The following KIAA1328 variants were observed in gnomAD, a reference collection of about 807,000 sequenced individuals.
KIAA1328 encodes KIAA1328, also known as protein hinderin.
KIAA1328 carries 52 observed loss-of-function variants against 68.1 expected under a neutral mutation model. The ratio of observed to expected loss-of-function variants is 0.76; its 90% CI spans 0.61 to 0.96. The LOEUF is 0.96. KIAA1328 is among the 40% of genes least tolerant of loss of function. KIAA1328 has a pLI of 0.00. For missense variants in KIAA1328, 641 were observed against 677.6 expected (o/e 0.95, Z 0.60); for synonymous variants, 232 against 239.4 (o/e 0.97, Z 0.28).
chr18:36,840,438 A>G (rs897446395), intron 3 of KIAA1328, among the ~76,000 whole-genome samples: 19 of 147,172 alleles, frequency 1.3e-4, no homozygotes, highest in Non-Finnish European at 2.5e-4. Context: ...CCTTTTTTCC[A>G]TTGAAGAGCA....
intron 7 of KIAA1328, among the ~76,000 whole-genome samples, chr18:37,087,300 T>A (rs1030876949): frequency 6.6e-6 from 1 of 152,072 alleles, no homozygotes; most frequent in Non-Finnish European, 1.5e-5. Context: ...GCTCAAGTAA[T>A]CTACCCGCCT....
chr18:37,214,618 G>A (rs138884355), intron 9 of KIAA1328, among the ~76,000 whole-genome samples: 183 of 152,300 alleles, frequency 1.2e-3, no homozygotes, highest in Non-Finnish European at 1.9e-3. Flanking sequence ...GCTTAGGATT[G>A]TCTTGGCAAT....
At chr18:36,958,782 T>G (rs556340840) in intron 5 of KIAA1328, among the ~76,000 whole-genome samples, 3 of 152,278 alleles carry the variant, frequency 2.0e-5, no homozygotes, top group African/African-American at 7.2e-5. Context: ...TTCAGGGGGT[T>G]GTTTTTTCAA....
At chr18:37,069,150 T>C (rs1335903278) in intron 7 of KIAA1328, among the ~76,000 whole-genome samples, 1 of 152,186 alleles carries the variant, frequency 6.6e-6, no homozygotes, top group Non-Finnish European at 1.5e-5. Context: ...TTTTTAAATA[T>C]TAAACCAGCC....
At chr18:37,001,372 A>G (rs2053580767) in intron 6 of KIAA1328, among the ~76,000 whole-genome samples, 1 of 152,164 alleles carries the variant, frequency 6.6e-6, no homozygotes, top group African/African-American at 2.4e-5. Flanking sequence ...AGATTGAGTC[A>G]GTAATAAAAA....
At chr18:36,994,499 T>G (rs2053314613) in intron 6 of KIAA1328, among the ~76,000 whole-genome samples, 1 of 152,122 alleles carries the variant, frequency 6.6e-6, no homozygotes, top group African/African-American at 2.4e-5. Flanking sequence ...ATGTGAACCC[T>G]AGGTGAGAAC....
chr18:37,045,272 C>T (rs1055315590), intron 6 of KIAA1328, among the ~76,000 whole-genome samples: 3 of 152,174 alleles, frequency 2.0e-5, no homozygotes, highest in African/African-American at 7.2e-5. Context: ...TTCTCAGCTA[C>T]ACTTGTAGCC....
At chr18:37,070,729 C>T (rs1455662478) in intron 7 of KIAA1328, among the ~76,000 whole-genome samples, 1 of 151,950 alleles carries the variant, frequency 6.6e-6, no homozygotes, top group East Asian at 1.9e-4. Flanking sequence ...CACCACCATG[C>T]CCGGCTAGTT....
intron 7 of KIAA1328, among the ~76,000 whole-genome samples, chr18:37,117,965 A>C (rs2058164805): frequency 6.6e-6 from 1 of 151,178 alleles, no homozygotes; most frequent in African/African-American, 2.4e-5. Flanking sequence ...CATCTCTGCA[A>C]CTGGTCCCAT....
At chr18:37,142,473 G>A (rs2058788695) in intron 7 of KIAA1328, among the ~76,000 whole-genome samples, 1 of 152,098 alleles carries the variant, frequency 6.6e-6, no homozygotes, top group South Asian at 2.1e-4. Context: ...TGGGATTACA[G>A]GCGTGAGCTA....
At chr18:36,854,149 A>G (rs977242053) in intron 4 of KIAA1328, among the ~76,000 whole-genome samples, 4 of 152,220 alleles carry the variant, frequency 2.6e-5, no homozygotes, top group Non-Finnish European at 2.9e-5. Context: ...GTAGATTGGA[A>G]CACAGACATG....
intron 7 of KIAA1328, among the ~76,000 whole-genome samples, chr18:37,116,767 C>G (rs971897010): frequency 6.6e-6 from 1 of 152,130 alleles, no homozygotes; most frequent in Non-Finnish European, 1.5e-5. Flanking sequence ...AACCATCTGA[C>G]AAAGGCCTAA....
chr18:37,204,466 AAAGACTTTATAGCTTTGATTTT>A (rs1291181676), intron 9 of KIAA1328, among the ~76,000 whole-genome samples: 1 of 152,250 alleles, frequency 6.6e-6, no homozygotes, highest in East Asian at 1.9e-4. Context: ...ATAAAAATAC[AAAGACTTTATAGCTTTGATTTT>A]AAGTTTTTAG....
intron 5 of KIAA1328, among the ~76,000 whole-genome samples, chr18:36,919,570 C>G (rs965508070): frequency 6.6e-6 from 1 of 152,094 alleles, no homozygotes; most frequent in South Asian, 2.1e-4. Flanking sequence ...GATTTATTTT[C>G]TTTTGGGTAT....
intron 1 of KIAA1328, among the ~76,000 whole-genome samples, chr18:36,831,859 G>C (rs2046504689): frequency 6.6e-6 from 1 of 152,014 alleles, no homozygotes; most frequent in Non-Finnish European, 1.5e-5. Context: ...TACCACTTCT[G>C]CCTGGGTTTC....
Position 37,096,709 on chromosome 18 carries a change from A to G in KIAA1328, c.1232+29164A>G, listed in dbSNP as rs545765555. On this transcript the variant is annotated intron_variant, in intron 7 of 9. Coordinates refer to ENST00000280020, the MANE Select transcript of KIAA1328 (RefSeq NM_020776.3). ...CCACCAACAGTGTAAAAGTGTTCCT[A>G]TTTTTCCACATCCTCTCCAGCACCT... 4.6e-5 allele frequency among the ~76,000 whole-genome samples: 7 copies of G among 152,162 alleles called. No homozygotes were observed. In the South Asian group the frequency reaches 1.5e-3, roughly 32 times the overall value.
chr18:37,160,158 C>T (rs540596723), intron 7 of KIAA1328, 42 bp from the exon 8 acceptor site: 2 of 1,534,932 alleles, frequency 1.3e-6, no homozygotes, highest in Admixed American at 1.9e-5. Flanking sequence ...CTCTGTGTTC[C>T]CTTCTGTGCC....
At chr18:37,181,812 TACTTTTCACATGATTTTTC>T (rs750489999) in intron 9 of KIAA1328, among the ~76,000 whole-genome samples, 1 of 152,214 alleles carries the variant, frequency 6.6e-6, no homozygotes, top group African/African-American at 2.4e-5. Flanking sequence ...AGAGCTGTTT[TACTTTTCACATGATTTTTC>T]AAATGTTCTA....
intron 6 of KIAA1328, among the ~76,000 whole-genome samples, chr18:36,995,636 A>G (rs1260229357): frequency 2.1e-4 from 32 of 152,362 alleles, no homozygotes; most frequent in Admixed American, 2.1e-3. Context: ...TAGTAAAACA[A>G]TAAAATGACA....
Sources: gnomAD v4.1 joint callset for allele counts (sites outside exome capture counted in the v4.1 genomes callset) on GRCh38, gnomAD v4.1.1 for gene constraint, MANE v1.5 for transcripts, NCBI Gene and HGNC (gene_info 2026-07-23, HGNC 2026-07-21) for gene names.